The following GPR176 variants were observed in gnomAD, a reference collection of about 807,000 sequenced individuals.
GPR176 encodes the protein G-protein coupled receptor 176.
GPR176 carries 26 observed loss-of-function variants against 35.4 expected under a neutral mutation model. That is an observed-to-expected ratio of 0.74 (90% CI 0.54 to 1.02). GPR176 has a LOEUF of 1.02. Among genes scored for constraint, GPR176 ranks in the 50% least tolerant of loss-of-function variants. The probability of loss-of-function intolerance (pLI) is 0.00; values close to 1 mark genes in which losing one functional copy is unlikely to be tolerated. For missense variants in GPR176, 597 were observed against 665.3 expected, an observed-to-expected ratio of 0.90 and a Z score of 1.13; for synonymous variants, 278 against 271.3, an observed-to-expected ratio of 1.02 and a Z score of -0.24.
chr15:39,844,007 T>C (rs2030226094), intron 1 of GPR176, among the ~76,000 whole-genome samples: 1 of 152,152 alleles, frequency 6.6e-6, no homozygotes, highest in Admixed American at 6.5e-5. Flanking sequence ...TTATAAAGTG[T>C]CAAGAGGATT....
At chr15:39,873,185 T>C (rs762882270) in intron 1 of GPR176, among the ~76,000 whole-genome samples, 7 of 152,160 alleles carry the variant, frequency 4.6e-5, no homozygotes, top group Non-Finnish European at 1.0e-4. Flanking sequence ...GTAGGTACTA[T>C]AACTAACCAC....
intron 1 of GPR176, among the ~76,000 whole-genome samples, chr15:39,814,339 C>T (rs1899758829): frequency 6.6e-6 from 1 of 152,132 alleles, no homozygotes; most frequent in South Asian, 2.1e-4. Flanking sequence ...CTCAGGTTTA[C>T]CTTCAATTTT....
intron 1 of GPR176, among the ~76,000 whole-genome samples, chr15:39,878,472 T>TTGTGTG (rs3066143): frequency 0.051 from 7,502 of 148,120 alleles, 241 homozygotes; most frequent in Non-Finnish European, 0.073. Flanking sequence ...CAAATAATAT[T>TTGTGTG]TGTGTGTGTG....
rs115696380 is a variant in GPR176, at chr15:39,836,349, T to C, written c.173-29091A>G. 7.8e-3 allele frequency among the ~76,000 whole-genome samples: 1,195 copies of C among 152,238 alleles called. 15 individuals carry two copies. Among genetic ancestry groups the C allele is most frequent in the African/African-American group, 0.028 (1,144 of 41,558 alleles). The stretch of plus-strand genomic sequence containing the variant: ...CTTGGTACCTTCCCCTGAGTTCATA[T>C]GATATCTGGTTGCTTAAAAGAGCCT... On this transcript the variant is annotated intron_variant, in intron 1 of 2. Transcript: ENST00000561100.
Position 39,801,058 on chromosome 15 carries a change from C to A in GPR176, c.*74G>T, listed in dbSNP as rs756950411. 85 of 1,298,024 alleles carry A rather than the reference C, an allele frequency of 6.5e-5. No homozygotes were observed. Among genetic ancestry groups the A allele is most frequent in the Non-Finnish European group, 8.9e-5 (83 of 932,256 alleles). The allele number at this position is 1,298,024 out of a possible 1,614,324, so 80.4% of individuals were successfully genotyped here. A position where few individuals can be genotyped will look rare whatever the true frequency, so the allele number is the denominator to read the frequency against. ...GAGTTGCAAGGAGATCATACAATCA[C>A]ATGGCCACAGCATTCCCACACTCTG... is the stretch of plus-strand genomic sequence containing the variant. On this transcript the variant is annotated 3_prime_UTR_variant, in exon 3 of 3. Coordinates refer to ENST00000561100, the MANE Select transcript of GPR176 (RefSeq NM_007223.3).
chr15:39,835,104 G>A (rs1566945429), intron 1 of GPR176, among the ~76,000 whole-genome samples: 1 of 152,026 alleles, frequency 6.6e-6, no homozygotes, highest in Non-Finnish European at 1.5e-5. Flanking sequence ...CACAACCTCT[G>A]CCTCCTGGGT....
intron 1 of GPR176, among the ~76,000 whole-genome samples, chr15:39,882,294 T>C (rs1022819029): frequency 1.3e-5 from 2 of 152,202 alleles, no homozygotes; most frequent in Non-Finnish European, 2.9e-5. Flanking sequence ...CTATCAAACA[T>C]TACATATCAA....
At chr15:39,803,263 A>G (rs997730508) in intron 2 of GPR176, among the ~76,000 whole-genome samples, 2 of 146,624 alleles carry the variant, frequency 1.4e-5, no homozygotes, top group African/African-American at 4.9e-5. Flanking sequence ...TTCAGATAAC[A>G]AGTACTTCTT....
chr15:39,888,772 C>T (rs2032761674), intron 1 of GPR176, among the ~76,000 whole-genome samples: 1 of 152,164 alleles, frequency 6.6e-6, no homozygotes, highest in African/African-American at 2.4e-5. Flanking sequence ...ATGAACCTTC[C>T]CGATTCTTAG....
chr15:39,803,472 G>C (rs1255310223), intron 2 of GPR176, among the ~76,000 whole-genome samples: 3 of 151,808 alleles, frequency 2.0e-5, no homozygotes, highest in Non-Finnish European at 4.4e-5. Flanking sequence ...TAGAGACGGA[G>C]TTTCGCCATG....
At chr15:39,888,199 T>C (rs1259895508) in intron 1 of GPR176, among the ~76,000 whole-genome samples, 1 of 152,202 alleles carries the variant, frequency 6.6e-6, no homozygotes, top group Non-Finnish European at 1.5e-5. Context: ...GTATCTCCCA[T>C]ATACATATAA....
chr15:39,874,055 T>C (rs1234618837), intron 1 of GPR176, among the ~76,000 whole-genome samples: 6 of 152,356 alleles, frequency 3.9e-5, no homozygotes, highest in Admixed American at 1.3e-4. Flanking sequence ...AGGTTAGGTA[T>C]TGAGAAGATG....
chr15:39,830,033 G>A (rs1900962355), intron 1 of GPR176, among the ~76,000 whole-genome samples: 1 of 151,666 alleles, frequency 6.6e-6, no homozygotes, highest in African/African-American at 2.4e-5. Flanking sequence ...ATAAATCTGT[G>A]ACTAATTCAC....
intron 2 of GPR176, among the ~76,000 whole-genome samples, chr15:39,804,048 C>T (rs1171518765): frequency 6.6e-6 from 1 of 152,152 alleles, no homozygotes; most frequent in African/African-American, 2.4e-5. Context: ...TATGTGATGG[C>T]CCCACCTGTA....
At chr15:39,903,322 C>T (rs1019224520) in intron 1 of GPR176, among the ~76,000 whole-genome samples, 1 of 152,160 alleles carries the variant, frequency 6.6e-6, no homozygotes, top group African/African-American at 2.4e-5. Flanking sequence ...TTATCTCTGT[C>T]CATGCTACTT....
intron 1 of GPR176, among the ~76,000 whole-genome samples, chr15:39,814,207 C>G (rs1219725728): frequency 6.6e-6 from 1 of 152,190 alleles, no homozygotes; most frequent in Non-Finnish European, 1.5e-5. Context: ...TCTTTCTCTT[C>G]ATTCTCTTTT....
chr15:39,878,238 C>G (rs2032333343), intron 1 of GPR176, among the ~76,000 whole-genome samples: 1 of 151,786 alleles, frequency 6.6e-6, no homozygotes, highest in African/African-American at 2.4e-5. Context: ...CATATTAATC[C>G]TGTACAACTG....
intron 1 of GPR176, among the ~76,000 whole-genome samples, chr15:39,882,758 A>G (rs2032524563): frequency 6.6e-6 from 1 of 152,234 alleles, no homozygotes; most frequent in Non-Finnish European, 1.5e-5. Flanking sequence ...ATGTTTTCTC[A>G]GCATGTTCTG....
At chr15:39,826,249 C>T (rs748685114) in intron 1 of GPR176, among the ~76,000 whole-genome samples, 1 of 152,106 alleles carries the variant, frequency 6.6e-6, no homozygotes, top group African/African-American at 2.4e-5. Flanking sequence ...TCTGGGCAAG[C>T]TGGAGCAGGG....
Sources: allele counts gnomAD v4.1 joint callset (sites outside exome capture counted in the v4.1 genomes callset), GRCh38; gene constraint gnomAD v4.1.1; transcripts MANE v1.5; gene names NCBI Gene and HGNC (gene_info 2026-07-23, HGNC 2026-07-21).